The following ACP4 variants were observed in gnomAD, a reference collection of about 807,000 sequenced individuals.
The protein encoded by ACP4 is acid phosphatase 4.
Under a neutral mutation model 47.3 loss-of-function variants are expected in ACP4, and 49 were observed. That is an observed-to-expected ratio of 1.04 (90% confidence interval 0.82 to 1.32). The LOEUF is 1.32. Among genes scored for constraint, ACP4 ranks in the 40% most tolerant of loss-of-function variants. The pLI, the probability that ACP4 is intolerant of heterozygous loss-of-function variation, is 0.00. For synonymous variants in ACP4, 299 were observed against 265.3 expected (o/e 1.13, Z -1.23); for missense variants, 594 against 579.3 (o/e 1.03, Z -0.26).
chr19:50,790,734 A>ATGGGGGGGGG, intron 2 of ACP4, 36 bp downstream of exon 2: 2 of 638,086 alleles, frequency 3.1e-6, no homozygotes, highest in Admixed American at 3.1e-5. Context: ...CAAGGGTGGG[A>ATGGGGGGGGG]GGGGTGGGGA....
At position 50,795,184 on chromosome 19, in the gene ACP4, C is replaced by A. The variant is rs1171731681; in HGVS notation, c.*26C>A. 9 of 1,513,228 alleles carry A rather than the reference C, an allele frequency of 5.9e-6. No homozygotes were observed. The highest frequency in any genetic ancestry group is 2.8e-5 in the African/African-American group (2 of 72,558). 93.7% of individuals were successfully genotyped at this position (1,513,228 alleles called of 1,614,324 possible). ...GCCAGAAACCAGGGCTTCCCTACCC[C>A]CAGCTGACACTGGACCCCAACATGT... On this transcript the variant is annotated 3_prime_UTR_variant, in exon 11 of 11. Coordinates refer to ENST00000270593, the MANE Select transcript of ACP4 (RefSeq NM_033068.3).
At chr19:50,794,108 C>T (rs2089533920) in intron 8 of ACP4, 138 bp downstream of exon 8, 3 of 1,000,768 alleles carry the variant, frequency 3.0e-6, no homozygotes, top group African/African-American at 3.2e-5. Flanking sequence ...AAACCCTACT[C>T]TCAGGCTCTA....
chr19:50,793,201 G>A (rs952610907), intron 6 of ACP4: 6 of 164,032 alleles, frequency 3.7e-5, no homozygotes, highest in Non-Finnish European at 6.7e-5. Context: ...TAATGACGAT[G>A]TCTATTATTA....
At chr19:50,792,676 CTTTT>C (rs781192952) in intron 6 of ACP4, 104 of 110,642 alleles carry the variant, frequency 9.4e-4, no homozygotes, top group South Asian at 3.8e-3. Context: ...TGATGCAATG[CTTTT>C]TTTTTTTTTT....
At chr19:50,791,627 C>T (rs2089507379) in intron 3 of ACP4, 29 bp from the exon 4 acceptor site, 1 of 1,594,410 alleles carries the variant, frequency 6.3e-7, no homozygotes, top group African/African-American at 1.3e-5. Flanking sequence ...CCACGACCCC[C>T]CGCGTGCCCT....
In ACP4 at chr19:50,790,620, G is replaced by A. The variant is rs200405470; in HGVS notation, c.138G>A (p.Pro46=). Residue 46 remains proline (P), a synonymous_variant, in exon 2 of 11, where the codon CCG becomes CCA. Transcript: ENST00000270593. ...TATTCCGCCATGGCGACCGGGCCCC[G>A]CTGGCCTCCTACCCCATGGACCCAC... ...ALVFRHGDRA[P]LASYPMDPHK... 2.2e-4 allele frequency: 339 copies of A among 1,551,734 alleles called. 3 individuals are homozygous for A. The South Asian group carries it at 2.6e-3, about 12-fold the overall frequency.
Position 50,790,472 on chromosome 19 carries a change from C to A in ACP4, c.58C>A (p.Leu20Met). The A allele has an allele frequency of 6.4e-7, 1 of 1,567,326 alleles. No homozygotes were observed. The highest frequency in any genetic ancestry group is 8.6e-7 in the Non-Finnish European group (1 of 1,159,382). ...TGGACCTCTCCTGCTGCTGCTGCTG[C>A]TGGTGCTGCCACCCCGGGCCCTGCC... is the stretch of plus-strand genomic sequence containing the variant. ...PAGPLLLLLL[L>M]VLPPRALPEG... The change falls in exon 1 of 11, where the codon CTG becomes ATG. Residue 20 changes from leucine to methionine, a missense_variant. By Grantham distance (15) the Leu-to-Met change is conservative. Coordinates refer to ENST00000270593, the MANE Select transcript of ACP4 (RefSeq NM_033068.3).
At position 50,791,716 on chromosome 19, in the gene ACP4, G is replaced by A. The variant is rs766794614; in HGVS notation, c.364G>A (p.Gly122Arg). 7.4e-6 allele frequency: 12 copies of A among 1,613,300 alleles called. No individual in the cohort carries two copies. The highest frequency in any genetic ancestry group is 3.3e-5 in the South Asian group (3 of 91,080). The change falls in exon 4 of 11, where the codon GGG becomes AGG. Residue 122 changes from glycine (G) to arginine (R), a missense_variant. Coordinates refer to ENST00000270593, the MANE Select transcript of ACP4 (RefSeq NM_033068.3). ...TLESAQANLAGLFPEAAPGSP... is the reference protein window; with the variant it reads ...TLESAQANLARLFPEAAPGSP... ...GGAGAGTGCCCAGGCCAACCTTGCC[G>A]GGCTGTTTCCCGAGGCTGCTCCAGG...
Position 50,795,044 on chromosome 19 carries a change from T to A in ACP4, c.1167T>A (p.Ala389=), listed in dbSNP as rs1477800355. 6.2e-7 allele frequency: 1 copy of A among 1,610,862 alleles called. No individual in the cohort carries two copies. Among genetic ancestry groups the A allele is most frequent in the Non-Finnish European group, 8.5e-7 (1 of 1,178,908 alleles). Reference sequence around the variant, plus strand: ...ACCCCCCGCGTGTTCTCCCTGCAGCTCCAGTGGTGCCCCTGCTGGCCGGAG... The same window carrying A: ...ACCCCCCGCGTGTTCTCCCTGCAGCACCAGTGGTGCCCCTGCTGGCCGGAG... ...HGPYEAAIPP[A]PVVPLLAGAV... is the part of the protein sequence containing the mutation. Residue 389 remains alanine, a splice_region_variant and synonymous_variant, in exon 11 of 11, where the codon GCT becomes GCA. Coordinates refer to ENST00000270593, the MANE Select transcript of ACP4 (RefSeq NM_033068.3).
rs1029489155 is a variant in ACP4 at position 50,795,028 on chromosome 19, G to T, written c.1166-15G>T. 1 of 1,607,328 alleles carries T rather than the reference G, an allele frequency of 6.2e-7. No individual in the cohort carries two copies. Among genetic ancestry groups the T allele is most frequent in the Non-Finnish European group, 8.5e-7 (1 of 1,179,306 alleles). ...CCAAGTCCTGGCACTCACCCCCCGCGTGTTCTCCCTGCAGCTCCAGTGGTG... is the reference window on the plus strand; with the variant it reads ...CCAAGTCCTGGCACTCACCCCCCGCTTGTTCTCCCTGCAGCTCCAGTGGTG... On this transcript the variant is annotated splice_polypyrimidine_tract_variant and intron_variant, in intron 10 of 10. Coordinates refer to ENST00000270593, the MANE Select transcript of ACP4 (RefSeq NM_033068.3).
intron 8 of ACP4, 58 bp downstream of exon 8, chr19:50,794,028 C>T (rs1410655315): frequency 2.4e-5 from 38 of 1,591,112 alleles, no homozygotes; most frequent in Admixed American, 2.2e-4. Context: ...AGGGTGACAG[C>T]GATTTAGGTG....
Position 50,790,608 on chromosome 19 carries a change from C to A in ACP4, c.126C>A (p.Gly42=). Residue 42 remains glycine, a synonymous_variant, in exon 2 of 11, where the codon GGC becomes GGA. Transcript: ENST00000270593. ...CCTGTCCCCAGGTATTCCGCCATGG[C>A]GACCGGGCCCCGCTGGCCTCCTACC... ...LVFVALVFRH[G]DRAPLASYPM... is the part of the protein sequence containing the mutation. The A allele has an allele frequency of 1.3e-6, 2 of 1,550,890 alleles. No individual in the cohort carries two copies. Among genetic ancestry groups the A allele is most frequent in the Non-Finnish European group, 1.7e-6 (2 of 1,148,082 alleles).
rs766292269 is a variant in ACP4, at chr19:50,790,825, G to A, written c.268G>A (p.Glu90Lys). ...GGGCCGCTTCCTGAGGAGCCGCTAC[G>A]AGGCCTTCCTGAGTCCGGAGTACCG... is the stretch of plus-strand genomic sequence containing the variant. The part of the protein sequence containing the change: ...ELGRFLRSRY[E>K]AFLSPEYRRE... Residue 90 changes from glutamate to lysine, a missense_variant, in exon 3 of 11, where the codon GAG becomes AAG. Physicochemically the swap from Glu to Lys is moderately conservative, Grantham distance 56. Coordinates refer to ENST00000270593, the MANE Select transcript of ACP4 (RefSeq NM_033068.3). 1.2e-5 allele frequency: 19 copies of A among 1,548,748 alleles called. No homozygotes were observed. Among genetic ancestry groups the A allele is most frequent in the Admixed American group, 5.9e-5 (3 of 50,958 alleles).
Position 50,794,532 on chromosome 19 carries a change from C to A in ACP4, c.937C>A (p.Leu313Ile). The A allele has an allele frequency of 6.2e-7, 1 of 1,614,068 alleles. No homozygotes were observed. The change falls in exon 9 of 11, where the codon CTC becomes ATC. Residue 313 changes from leucine to isoleucine, a missense_variant. Coordinates refer to ENST00000270593, the MANE Select transcript of ACP4 (RefSeq NM_033068.3). ...ACACACCCCGCCATATGCTGCCTGC[C>A]TCGGCTTTGAGTTCCGGAAGCACCT... ...DGHTPPYAAC[L>I]GFEFRKHLGN...
At chr19:50,794,435 C>A (rs901262462) in intron 8 of ACP4, 22 bp from the exon 9 acceptor site, 7 of 1,612,456 alleles carry the variant, frequency 4.3e-6, no homozygotes, top group Admixed American at 1.7e-5. Flanking sequence ...AGTGCCGTCT[C>A]AGCCCTCGGG....
intron 3 of ACP4, 83 bp from the exon 4 acceptor site, chr19:50,791,573 T>A (rs1810737254): frequency 6.5e-7 from 1 of 1,539,600 alleles, no homozygotes; most frequent in African/African-American, 1.4e-5. Flanking sequence ...CCAAAGTGAA[T>A]CTGAGGCTTC....
chr19:50,794,865 C>G lies in ACP4; in HGVS notation c.1066C>G (p.Pro356Ala). Reference sequence around the variant, plus strand: ...TCTCAGCCTCCCCGGGTGCCCGGCCCCCTGTCCACTAGGCCGCTTCTACCA... The same window carrying G: ...TCTCAGCCTCCCCGGGTGCCCGGCCGCCTGTCCACTAGGCCGCTTCTACCA... ...LPLSLPGCPA[P>A]CPLGRFYQLT... The change falls in exon 10 of 11, where the codon CCC (proline) becomes GCC (alanine). Residue 356 changes from proline to alanine, a missense_variant. Physicochemically the swap from Pro to Ala is conservative, Grantham distance 27. Transcript: ENST00000270593. 6.2e-7 allele frequency: 1 copy of G among 1,613,788 alleles called. No homozygotes were observed. The highest frequency in any genetic ancestry group is 1.3e-5 in the African/African-American group (1 of 75,062).
intron 6 of ACP4, 179 bp downstream of exon 6, chr19:50,792,516 C>T: frequency 1.6e-6 from 1 of 630,276 alleles, no homozygotes; most frequent in Non-Finnish European, 2.8e-6. Context: ...TGTGAGGATT[C>T]AAATGGGTTA....
chr19:50,794,340 G>A (rs2089536458), intron 8 of ACP4, 117 bp from the exon 9 acceptor site: 3 of 1,427,328 alleles, frequency 2.1e-6, no homozygotes, highest in South Asian at 2.7e-5. Flanking sequence ...GGAGGAAGGA[G>A]TAGCTTTGGG....
Sources: allele counts gnomAD v4.1 joint callset, GRCh38; gene constraint gnomAD v4.1.1; transcripts MANE v1.5; gene names NCBI Gene and HGNC (gene_info 2026-07-23, HGNC 2026-07-21).